The following GMDS variants were observed in gnomAD, a reference collection of about 807,000 sequenced individuals.
GMDS encodes the protein GDP-mannose 4,6 dehydratase.
GMDS carries 20 observed loss-of-function variants against 49.9 expected under a neutral mutation model. The observed-to-expected ratio is 0.40, with a 90% CI of 0.28 to 0.58. The LOEUF (loss-of-function observed/expected upper bound fraction) is 0.58. GMDS is among the 20% of genes least tolerant of loss of function. GMDS has a pLI of 0.42. For synonymous variants in GMDS, 177 were observed against 178.6 expected, an observed-to-expected ratio of 0.99 and a Z score of 0.07; for missense variants, 362 against 481.4, an observed-to-expected ratio of 0.75 and a Z score of 2.32.
chr6:1,735,731 A>G (rs1224205102), intron 8 of GMDS, among the ~76,000 whole-genome samples: 1 of 152,210 alleles, frequency 6.6e-6, no homozygotes, highest in African/African-American at 2.4e-5. Context: ...GGTCCAGCTT[A>G]CATCTAACTT....
chr6:1,738,162 CACAGACACAT>C (rs1165175613), intron 8 of GMDS, among the ~76,000 whole-genome samples: 5 of 145,212 alleles, frequency 3.4e-5, no homozygotes, highest in Admixed American at 1.4e-4. Context: ...CATACACACA[CACAGACACAT>C]ACACACACAC....
intron 7 of GMDS, among the ~76,000 whole-genome samples, chr6:1,746,295 T>C (rs1257914871): frequency 6.6e-6 from 1 of 152,234 alleles, no homozygotes; most frequent in Non-Finnish European, 1.5e-5. Flanking sequence ...CCTTTGAGGA[T>C]GTGACTGACT....
At chr6:2,142,350 G>A (rs1053199961) in intron 1 of GMDS, among the ~76,000 whole-genome samples, 2 of 152,256 alleles carry the variant, frequency 1.3e-5, no homozygotes, top group African/African-American at 4.8e-5. Context: ...TGGTGCAGAT[G>A]TAATTAGTTA....
chr6:1,768,465 A>C (rs1768445792), intron 7 of GMDS, among the ~76,000 whole-genome samples: 1 of 152,210 alleles, frequency 6.6e-6, no homozygotes, highest in African/African-American at 2.4e-5. Flanking sequence ...AAGAATTCAA[A>C]CTTGGGTACA....
chr6:1,833,432 G>C lies in GMDS; in HGVS notation c.772-90846C>G, dbSNP rs753274361. On this transcript the variant is annotated intron_variant, in intron 7 of 10. Transcript: ENST00000380815. This position sits in a 1 kb window ranked among gnomAD's most constrained non-coding sequence, Gnocchi z 4.4. Reference sequence around the variant, plus strand: ...GATTCACTATTTCATGGCACAATGAGGGGAGGAGGACGCTGTAATAAAAAC... The same window carrying C: ...GATTCACTATTTCATGGCACAATGACGGGAGGAGGACGCTGTAATAAAAAC... Among the ~76,000 whole-genome samples, 1 of 152,060 alleles carries C rather than the reference G, an allele frequency of 6.6e-6. No individual in the cohort carries two copies. Among genetic ancestry groups the C allele is most frequent in the African/African-American group, 2.4e-5 (1 of 41,410 alleles).
intron 9 of GMDS, among the ~76,000 whole-genome samples, chr6:1,670,066 A>C (rs1764368458): frequency 6.6e-6 from 1 of 151,508 alleles, no homozygotes; most frequent in South Asian, 2.1e-4. Flanking sequence ...AAACGAGGGG[A>C]GATCTTGCAC....
intron 8 of GMDS, among the ~76,000 whole-genome samples, chr6:1,736,984 C>G (rs566494344): frequency 6.6e-6 from 1 of 152,138 alleles, no homozygotes; most frequent in Admixed American, 6.5e-5. Context: ...TCTTCAAGAT[C>G]GGCCTCCAGA....
intron 1 of GMDS, among the ~76,000 whole-genome samples, chr6:2,234,042 A>G (rs1287713748): frequency 6.6e-6 from 1 of 152,236 alleles, no homozygotes; most frequent in East Asian, 1.9e-4. Context: ...CACTAGGGAT[A>G]CAGCAGTAAA....
At chr6:1,739,492 T>C (rs1042591197) in intron 8 of GMDS, among the ~76,000 whole-genome samples, 1 of 152,262 alleles carries the variant, frequency 6.6e-6, no homozygotes. Context: ...CTCCCCCGCA[T>C]TCAAACAGTG....
At chr6:2,160,484 T>C (rs1053030959) in intron 1 of GMDS, among the ~76,000 whole-genome samples, 3 of 152,230 alleles carry the variant, frequency 2.0e-5, no homozygotes, top group Non-Finnish European at 4.4e-5. Context: ...TTTTTTAAAA[T>C]AGATTCTTTT....
chr6:1,853,422 G>A (rs529310394), intron 7 of GMDS, among the ~76,000 whole-genome samples: 16 of 149,714 alleles, frequency 1.1e-4, no homozygotes, highest in Admixed American at 9.2e-4. Context: ...GGAGGCTGAG[G>A]CAGGAGAATG....
At chr6:1,837,934 C>T (rs1756998849) in intron 7 of GMDS, among the ~76,000 whole-genome samples, 1 of 152,160 alleles carries the variant, frequency 6.6e-6, no homozygotes, top group African/African-American at 2.4e-5. Flanking sequence ...CCACAGGCTC[C>T]ACTGCCCACC....
At chr6:2,004,225 T>C (rs1767011576) in intron 4 of GMDS, among the ~76,000 whole-genome samples, 2 of 152,222 alleles carry the variant, frequency 1.3e-5, no homozygotes, top group East Asian at 1.9e-4. Context: ...TTATTGGTCA[T>C]ACAACGCCTA....
At chr6:1,700,198 C>T (rs1048328186) in intron 9 of GMDS, among the ~76,000 whole-genome samples, 1 of 152,158 alleles carries the variant, frequency 6.6e-6, no homozygotes, top group Non-Finnish European at 1.5e-5. Context: ...CATGCTTCTT[C>T]TAATTTATCT....
chr6:2,020,221 CAAT>C (rs1768193897), intron 4 of GMDS, among the ~76,000 whole-genome samples: 1 of 151,720 alleles, frequency 6.6e-6, no homozygotes, highest in Admixed American at 6.6e-5. Flanking sequence ...GCCTTGAGAA[CAAT>C]AAAAGTATGC....
At chr6:2,134,297 A>G (rs144172814) in intron 1 of GMDS, among the ~76,000 whole-genome samples, 7 of 152,348 alleles carry the variant, frequency 4.6e-5, no homozygotes, top group Non-Finnish European at 1.0e-4. Flanking sequence ...TCTTTTGCCA[A>G]CAGCAGCGGG....
At chr6:1,903,064 G>C (rs1051879100) in intron 7 of GMDS, among the ~76,000 whole-genome samples, 3 of 152,078 alleles carry the variant, frequency 2.0e-5, no homozygotes, top group Admixed American at 2.0e-4. Context: ...ACAGCAATCA[G>C]GAGATTCACT....
intron 7 of GMDS, among the ~76,000 whole-genome samples, chr6:1,911,637 A>G (rs1307148519): frequency 6.6e-6 from 1 of 152,120 alleles, no homozygotes; most frequent in Non-Finnish European, 1.5e-5. Flanking sequence ...TGCATGGGCT[A>G]GTTTTCAAGG....
intron 7 of GMDS, among the ~76,000 whole-genome samples, chr6:1,746,668 G>C (rs75827891): frequency 1.3e-5 from 2 of 150,736 alleles, no homozygotes; most frequent in Non-Finnish European, 2.9e-5. Flanking sequence ...CCAATTTGGA[G>C]AAGTAAAAAT....
Sources: allele counts gnomAD v4.1 joint callset (sites outside exome capture counted in the v4.1 genomes callset), GRCh38; gene constraint gnomAD v4.1.1; non-coding constraint Gnocchi (gnomAD v3.1); transcripts MANE v1.5; gene names NCBI Gene and HGNC (gene_info 2026-07-23, HGNC 2026-07-21).